DNAH17: variants seen among roughly 807,000 people sequenced by gnomAD.
DNAH17 encodes axonemal beta dynein heavy chain 17.
Under a neutral mutation model 485.6 loss-of-function variants are expected in DNAH17, and 376 were observed. That is an observed-to-expected ratio of 0.77 (90% confidence interval 0.71 to 0.84). The LOEUF (loss-of-function observed/expected upper bound fraction) is 0.84, where lower values mean the gene tolerates loss of function less well. DNAH17 is among the 40% of genes least tolerant of loss of function. The pLI is 0.00. For synonymous variants in DNAH17, 3,031 were observed against 2,405.9 expected, an observed-to-expected ratio of 1.26 and a Z score of -7.60; for missense variants, 6,370 against 5,839.3, an observed-to-expected ratio of 1.09 and a Z score of -2.96.
intron 25 of DNAH17, among the ~76,000 whole-genome samples, chr17:78,519,192 A>AAAAAAAAAAT (rs1568188789): frequency 4.1e-5 from 6 of 147,234 alleles, no homozygotes; most frequent in African/African-American, 1.3e-4. Flanking sequence ...AAAAAAAAAA[A>AAAAAAAAAAT]AGAAATGTAA....
intron 50 of DNAH17, 21 bp downstream of exon 50, chr17:78,479,464 G>A (rs374408941): frequency 2.5e-6 from 4 of 1,594,592 alleles, no homozygotes; most frequent in Non-Finnish European, 3.4e-6. Context: ...ATGGGAGAGG[G>A]GATGAGGCCA....
intron 44 of DNAH17, among the ~76,000 whole-genome samples, chr17:78,487,714 A>G (rs990102624): frequency 3.3e-5 from 5 of 152,066 alleles, no homozygotes; most frequent in African/African-American, 1.2e-4. Context: ...TAGTAGAGAC[A>G]GGGTTTCGCC....
chr17:78,557,380 G>A (rs896035319), intron 14 of DNAH17, among the ~76,000 whole-genome samples: 24 of 152,302 alleles, frequency 1.6e-4, no homozygotes, highest in Admixed American at 4.6e-4. Flanking sequence ...CACTTTGGGA[G>A]GCAGAGGCGG....
chr17:78,494,847 G>A, intron 39 of DNAH17, 27 bp from the exon 40 acceptor site: 1 of 1,578,846 alleles, frequency 6.3e-7, no homozygotes, highest in Non-Finnish European at 8.6e-7. Flanking sequence ...CAGGTGGGCA[G>A]ACGTGAGCTC....
At position 78,537,338 on chromosome 17, in the gene DNAH17, C is replaced by T. The variant is rs755986096; in HGVS notation, c.2820G>A (p.Arg940=). The T allele has an allele frequency of 6.3e-7, 1 of 1,598,232 alleles. No individual in the cohort carries two copies. Among genetic ancestry groups the T allele is most frequent in the Admixed American group, 1.7e-5 (1 of 57,732 alleles). The stretch of plus-strand genomic sequence containing the variant: ...TGTCCTTGGCCAGCCGAGGGATGAG[C>T]CTGGCTACGTTGTAGATGTCGTTGA... ...GLVNDIYNVA[R]LIPRLAKDRM... Residue 940 remains arginine (R), a synonymous_variant, in exon 19 of 81, where the codon AGG becomes AGA. Transcript: ENST00000389840.
At chr17:78,491,199 C>G (rs371806638) in intron 43 of DNAH17, among the ~76,000 whole-genome samples, 2 of 152,366 alleles carry the variant, frequency 1.3e-5, no homozygotes, top group East Asian at 3.9e-4. Flanking sequence ...ATTTCTGCTT[C>G]CCAGGCCTTT....
rs74920503 is a variant in DNAH17 at position 78,526,205 on chromosome 17, G to A, written c.3711+446C>T. Among the ~76,000 whole-genome samples the A allele has an allele frequency of 4.6e-3, 701 of 152,142 alleles. 4 individuals carry two copies. Among genetic ancestry groups the A allele is most frequent in the African/African-American group, 0.016 (660 of 41,570 alleles). On this transcript the variant is annotated intron_variant, in intron 24 of 80. Transcript: ENST00000389840. ...GACAGTGGGAACAGAGTGGGAACAC[G>A]AGTGAAGCCTGGCTGCTGCCCGATG...
At chr17:78,453,555 G>A (rs2087649013) in intron 64 of DNAH17, 90 bp from the exon 65 acceptor site, 4 of 1,528,334 alleles carry the variant, frequency 2.6e-6, no homozygotes, top group Non-Finnish European at 3.5e-6. Flanking sequence ...TGCCCTCTGA[G>A]CGAGACAGCG....
Position 78,525,204 on chromosome 17 carries a change from A to T in DNAH17, c.3712-43T>A. 1.9e-6 allele frequency: 3 copies of T among 1,595,420 alleles called. No individual in the cohort carries two copies. In the African/African-American group the frequency reaches 4.0e-5, roughly 21 times the overall value. ...GCCGTCAGTAGGGCTACCTACCCTCAGCGGTGCCCCACCCCACTCCCCGAC... is the reference window on the plus strand; with the variant it reads ...GCCGTCAGTAGGGCTACCTACCCTCTGCGGTGCCCCACCCCACTCCCCGAC... On this transcript the variant is annotated intron_variant, in intron 24 of 80. Coordinates refer to ENST00000389840, the MANE Select transcript of DNAH17 (RefSeq NM_173628.4).
At position 78,450,712 on chromosome 17, in the gene DNAH17, G is replaced by A. The variant is rs939609695; in HGVS notation, c.10869C>T (p.Thr3623=). The part of the protein sequence containing the change: ...DTALVENLET[T]KHTASEIEEK... ...CCTCGATCTCGCTGGCTGTGTGCTT[G>A]GTGGTCTCCAGATTCTCCACCAAGG... Residue 3623 remains threonine, a synonymous_variant, in exon 67 of 81, where the codon ACC becomes ACT. Transcript: ENST00000389840. 5 of 1,613,748 alleles carry A rather than the reference G, an allele frequency of 3.1e-6. No homozygotes were observed. The highest frequency in any genetic ancestry group is 3.4e-6 in the Non-Finnish European group (4 of 1,179,858).
Position 78,460,231 on chromosome 17 carries a change from A to G in DNAH17, c.9366T>C (p.Cys3122=), listed in dbSNP as rs1182285685. 3 of 1,604,406 alleles carry G rather than the reference A, an allele frequency of 1.9e-6. No homozygotes were observed. The African/African-American group carries it at 4.0e-5, about 21-fold the overall frequency. Residue 3122 remains cysteine, a synonymous_variant, in exon 59 of 81, where the codon TGT becomes TGC. Transcript: ENST00000389840. The part of the protein sequence containing the change: ...NKNVTEKQKA[C]ETDLAKAEPA... ...GTTCTGCTTTGGCCAGGTCTGTTTC[A>G]CAGGCCTTTTGCTTCTCAGTGACGT...
At chr17:78,547,225 C>T (rs1475939983) in intron 16 of DNAH17, among the ~76,000 whole-genome samples, 1 of 152,120 alleles carries the variant, frequency 6.6e-6, no homozygotes, top group East Asian at 1.9e-4. Flanking sequence ...TCTTGGTATC[C>T]TGGAATACAT....
rs374326783 is a variant in DNAH17, at chr17:78,495,081, C to T, written c.5920G>A (p.Val1974Ile). The T allele has an allele frequency of 2.7e-5, 44 of 1,608,738 alleles. No homozygotes were observed. The highest frequency in any genetic ancestry group is 9.3e-5 in the African/African-American group (7 of 74,986). ...TCACATATCAGTTCGAAGTCGGGGA[C>T]GACCATGGCACAGGGCCTGGGGAGG... Reference protein sequence around the residue: ...KALFRPCAMVVPDFELICEIM... With the variant: ...KALFRPCAMVIPDFELICEIM... Residue 1974 changes from valine (V) to isoleucine (I), a missense_variant, in exon 39 of 81, where the codon GTC becomes ATC. Val to Ile is a conservative substitution (Grantham distance 29, BLOSUM62 3). Coordinates refer to ENST00000389840, the MANE Select transcript of DNAH17 (RefSeq NM_173628.4).
At chr17:78,512,910 C>T (rs949800525) in intron 26 of DNAH17, among the ~76,000 whole-genome samples, 6 of 141,094 alleles carry the variant, frequency 4.3e-5, no homozygotes, top group African/African-American at 1.6e-4. Context: ...CACTGAACTC[C>T]AGCCTGGGCA....
intron 79 of DNAH17, 88 bp downstream of exon 79, chr17:78,426,369 C>T: frequency 7.0e-7 from 1 of 1,425,340 alleles, no homozygotes; most frequent in Non-Finnish European, 9.2e-7. Flanking sequence ...TGGCCATGCT[C>T]CTGCAGGCTC....
At chr17:78,537,218 C>T in intron 19 of DNAH17, 81 bp downstream of exon 19, 1 of 1,411,364 alleles carries the variant, frequency 7.1e-7, no homozygotes, top group African/African-American at 1.4e-5. Context: ...AACGGCGAAG[C>T]CTTGCCGAGT....
At chr17:78,503,932 C>T (rs2090395462) in intron 31 of DNAH17, among the ~76,000 whole-genome samples, 2 of 151,760 alleles carry the variant, frequency 1.3e-5, no homozygotes, top group Admixed American at 6.6e-5. Context: ...TGCCATTGCA[C>T]TCCAGCCTGG....
intron 18 of DNAH17, among the ~76,000 whole-genome samples, chr17:78,538,864 T>C (rs2091448653): frequency 6.6e-6 from 1 of 152,170 alleles, no homozygotes; most frequent in South Asian, 2.1e-4. Flanking sequence ...CGTTCCTTTG[T>C]TGTTGGTAGC....
intron 54 of DNAH17, among the ~76,000 whole-genome samples, chr17:78,469,478 G>A (rs77630392): frequency 6.4e-4 from 98 of 152,268 alleles, no homozygotes; most frequent in East Asian, 5.0e-3. Context: ...GGCCAGGTGC[G>A]GTGGCTCATG....
Sources: gnomAD v4.1 joint callset for allele counts (sites outside exome capture counted in the v4.1 genomes callset) on GRCh38, gnomAD v4.1.1 for gene constraint, MANE v1.5 for transcripts, NCBI Gene and HGNC (gene_info 2026-07-23, HGNC 2026-07-21) for gene names.